Variants in ATRNL1 observed in about 807,000 individuals in gnomAD.
ATRNL1 encodes the protein attractin-like protein 1.
A neutral mutation model predicts 182.7 loss-of-function variants in ATRNL1; 95 were observed. The observed-to-expected ratio is 0.52, with a 90% CI of 0.44 to 0.62. ATRNL1 has a LOEUF of 0.62. ATRNL1 is among the 20% of genes least tolerant of loss of function. ATRNL1 has a pLI of 0.00. For missense variants in ATRNL1, 1,471 were observed against 1,679.5 expected (o/e 0.88, Z 2.17); for synonymous variants, 576 against 568.3 (o/e 1.01, Z -0.19).
At position 115,123,763 on chromosome 10, in the gene ATRNL1, C is replaced by T. The variant is rs145644297; in HGVS notation, c.491+1951C>T. Among the ~76,000 whole-genome samples, 774 of 152,264 alleles carry T rather than the reference C, an allele frequency of 5.1e-3. 3 individuals carry two copies. Among genetic ancestry groups the T allele is most frequent in the South Asian group, 0.028 (135 of 4,828 alleles). ...GTGAGCAAAGCTTCATCTTTATTTA[C>T]AGCTGCTCCCCACTGCTTGCATTAC... On this transcript the variant is annotated intron_variant, in intron 3 of 28. Coordinates refer to ENST00000355044, the MANE Select transcript of ATRNL1 (RefSeq NM_207303.4).
chr10:115,193,748 T>A (rs1456998461), intron 8 of ATRNL1, among the ~76,000 whole-genome samples: 8 of 151,780 alleles, frequency 5.3e-5, no homozygotes, highest in African/African-American at 1.9e-4. Context: ...TAATTTTGGG[T>A]TTGGTTTGCT....
At chr10:115,443,615 C>A (rs956527224) in intron 21 of ATRNL1, among the ~76,000 whole-genome samples, 3 of 151,840 alleles carry the variant, frequency 2.0e-5, no homozygotes, top group Non-Finnish European at 4.4e-5. Context: ...TTTTAGCATT[C>A]TGTAACTTTT....
chr10:115,168,278 A>G (rs1554884786), intron 7 of ATRNL1, among the ~76,000 whole-genome samples: 2 of 152,124 alleles, frequency 1.3e-5, no homozygotes, highest in East Asian at 1.9e-4. Context: ...GAATAATGCT[A>G]CTAACAACAT....
At chr10:115,453,323 A>G (rs1224202933) in intron 21 of ATRNL1, among the ~76,000 whole-genome samples, 1 of 143,028 alleles carries the variant, frequency 7.0e-6, no homozygotes, top group African/African-American at 2.4e-5. Context: ...AACAGTATAC[A>G]AGAGTTTTTT....
intron 24 of ATRNL1, among the ~76,000 whole-genome samples, chr10:115,487,948 T>G (rs1225246064): frequency 6.6e-6 from 1 of 152,218 alleles, no homozygotes; most frequent in Non-Finnish European, 1.5e-5. Flanking sequence ...CTGTTGAATT[T>G]TGTTGAAGGC....
chr10:115,868,822 C>CTTTTTTTTTATTTTTTTTTTTTTT (rs1951501439), intron 28 of ATRNL1, among the ~76,000 whole-genome samples: 1 of 58,084 alleles, frequency 1.7e-5, no homozygotes, highest in Non-Finnish European at 3.2e-5. Context: ...AGTCTTTATT[C>CTTTTTTTTTATTTTTTTTTTTTTT]TTTTTTTTTT....
At chr10:115,525,507 T>C (rs1554986339) in intron 25 of ATRNL1, among the ~76,000 whole-genome samples, 1 of 152,202 alleles carries the variant, frequency 6.6e-6, no homozygotes, top group African/African-American at 2.4e-5. Context: ...CTGGTGCCTC[T>C]CTTATCAGCA....
intron 18 of ATRNL1, among the ~76,000 whole-genome samples, chr10:115,328,985 G>C (rs116004454): frequency 0.013 from 1,982 of 152,156 alleles, 40 homozygotes; most frequent in African/African-American, 0.046. Flanking sequence ...TATACACCCA[G>C]TAGTGAGATT....
chr10:115,470,411 T>A (rs1220265642), intron 24 of ATRNL1, among the ~76,000 whole-genome samples: 1 of 150,458 alleles, frequency 6.6e-6, no homozygotes, highest in Non-Finnish European at 1.5e-5. Flanking sequence ...GCCATAAATA[T>A]TTGTTTTTAA....
chr10:115,437,580 G>T (rs1846461022), intron 21 of ATRNL1, among the ~76,000 whole-genome samples: 1 of 151,880 alleles, frequency 6.6e-6, no homozygotes, highest in Non-Finnish European at 1.5e-5. Flanking sequence ...GCAAATAGTT[G>T]TATTTATAAT....
intron 28 of ATRNL1, among the ~76,000 whole-genome samples, chr10:115,889,773 G>C (rs1952035611): frequency 6.6e-6 from 1 of 152,158 alleles, no homozygotes; most frequent in Non-Finnish European, 1.5e-5. Flanking sequence ...TCAACCCTGA[G>C]AATGAGCGCA....
At chr10:115,407,857 A>G (rs1554958643) in intron 20 of ATRNL1, among the ~76,000 whole-genome samples, 3 of 152,158 alleles carry the variant, frequency 2.0e-5, no homozygotes, top group African/African-American at 7.2e-5. Flanking sequence ...TCAACAATGT[A>G]TAAGAGTTCC....
At chr10:115,482,606 T>C (rs114614148) in intron 24 of ATRNL1, among the ~76,000 whole-genome samples, 5,089 of 151,198 alleles carry the variant, frequency 0.034, 261 homozygotes, top group African/African-American at 0.11. Flanking sequence ...AAGCATTTAT[T>C]GAGTTATTCA....
At chr10:115,383,679 C>G (rs1858164241) in intron 19 of ATRNL1, among the ~76,000 whole-genome samples, 1 of 151,826 alleles carries the variant, frequency 6.6e-6, no homozygotes, top group Non-Finnish European at 1.5e-5. Context: ...CAAAAATATA[C>G]AAATATTCAG....
At chr10:115,529,577 T>C (rs187084783) in intron 25 of ATRNL1, among the ~76,000 whole-genome samples, 1 of 151,290 alleles carries the variant, frequency 6.6e-6, no homozygotes, top group African/African-American at 2.4e-5. Flanking sequence ...TAGTTTTTTT[T>C]ATTTAATGAT....
intron 28 of ATRNL1, among the ~76,000 whole-genome samples, chr10:115,916,065 T>G (rs1285514006): frequency 6.6e-6 from 1 of 152,246 alleles, no homozygotes; most frequent in African/African-American, 2.4e-5. Flanking sequence ...ATTTAAAGTA[T>G]AGTTTTAAAG....
chr10:115,507,208 T>C (rs1850157810), intron 24 of ATRNL1, among the ~76,000 whole-genome samples: 1 of 151,944 alleles, frequency 6.6e-6, no homozygotes, highest in Non-Finnish European at 1.5e-5. Flanking sequence ...CAGATATGCA[T>C]TTATCTTAGT....
intron 21 of ATRNL1, among the ~76,000 whole-genome samples, chr10:115,459,462 C>T (rs1361115921): frequency 6.6e-6 from 1 of 152,106 alleles, no homozygotes; most frequent in Non-Finnish European, 1.5e-5. Flanking sequence ...TGGGGCGTAC[C>T]TGTCTCTTAT....
intron 25 of ATRNL1, among the ~76,000 whole-genome samples, chr10:115,528,641 C>G: frequency 6.6e-6 from 1 of 151,646 alleles, no homozygotes; most frequent in African/African-American, 2.4e-5. Flanking sequence ...TTATCTTGCT[C>G]TAATATTTAT....
Sources: allele counts gnomAD v4.1 joint callset (sites outside exome capture counted in the v4.1 genomes callset), GRCh38; gene constraint gnomAD v4.1.1; transcripts MANE v1.5; gene names NCBI Gene and HGNC (gene_info 2026-07-23, HGNC 2026-07-21).